The following RERE variants were observed in gnomAD, a reference collection of about 807,000 sequenced individuals.
The protein encoded by RERE is arginine-glutamic acid dipeptide repeats protein.
Under a neutral mutation model 146.1 loss-of-function variants are expected in RERE, and 40 were observed. The ratio of observed to expected loss-of-function variants is 0.27; its 90% CI spans 0.21 to 0.36. RERE has a LOEUF of 0.36. Among genes scored for constraint, RERE ranks in the 10% least tolerant of loss-of-function variants. The pLI is 1.00. For missense variants in RERE, 1,933 were observed against 2,138.7 expected (o/e 0.90, Z 1.90); for synonymous variants, 1,003 against 866.0 (o/e 1.16, Z -2.78).
At chr1:8,497,683 C>G (rs950482975) in intron 8 of RERE, among the ~76,000 whole-genome samples, 154 bp from the exon 9 acceptor site, 4 of 152,350 alleles carry the variant, frequency 2.6e-5, no homozygotes, top group African/African-American at 9.6e-5. Context: ...GTCATTTAAA[C>G]TGACCTATTT....
intron 10 of RERE, among the ~76,000 whole-genome samples, chr1:8,492,011 C>T (rs1182381689): frequency 6.6e-6 from 1 of 152,138 alleles, no homozygotes; most frequent in East Asian, 1.9e-4. Flanking sequence ...TATTTTCATT[C>T]ATTTTTCATT....
intron 1 of RERE, among the ~76,000 whole-genome samples, chr1:8,736,688 C>T (rs1640205053): frequency 6.6e-6 from 1 of 151,978 alleles, no homozygotes; most frequent in Non-Finnish European, 1.5e-5. Context: ...AGAAGAGTCA[C>T]ATTTCAACTT....
chr1:8,506,400 GTTCAC>G (rs1241666733), intron 8 of RERE, among the ~76,000 whole-genome samples: 2 of 152,232 alleles, frequency 1.3e-5, no homozygotes, highest in East Asian at 3.8e-4. Context: ...TAGTTTTTGT[GTTCAC>G]TTCACTTCAT....
intron 7 of RERE, among the ~76,000 whole-genome samples, chr1:8,539,668 G>A (rs897751666): frequency 6.6e-6 from 1 of 152,122 alleles, no homozygotes; most frequent in African/African-American, 2.4e-5. Context: ...CCTCCAAAGT[G>A]CTGGGATTAC....
chr1:8,518,458 G>A (rs754575760), intron 7 of RERE, among the ~76,000 whole-genome samples: 1 of 152,104 alleles, frequency 6.6e-6, no homozygotes, highest in Non-Finnish European at 1.5e-5. Flanking sequence ...TTTTCCACAG[G>A]GTATTAAGTT....
At chr1:8,763,006 G>A (rs559149821) in intron 1 of RERE, among the ~76,000 whole-genome samples, 1 of 152,174 alleles carries the variant, frequency 6.6e-6, no homozygotes, top group South Asian at 2.1e-4. Flanking sequence ...AAGACTAAAA[G>A]AAGTTAGGGT....
intron 1 of RERE, among the ~76,000 whole-genome samples, chr1:8,716,013 C>T (rs1639757322): frequency 1.3e-5 from 2 of 152,074 alleles, no homozygotes; most frequent in South Asian, 4.1e-4. Context: ...GGCACAGTGG[C>T]TCACACCTGT....
intron 1 of RERE, among the ~76,000 whole-genome samples, chr1:8,661,146 T>C (rs895508776): frequency 1.3e-5 from 2 of 152,154 alleles, no homozygotes; most frequent in South Asian, 2.1e-4. Context: ...TGAGGGGGCT[T>C]TGACCCTGAG....
chr1:8,627,036 A>G (rs1475948467), intron 2 of RERE, among the ~76,000 whole-genome samples: 1 of 151,798 alleles, frequency 6.6e-6, no homozygotes, highest in African/African-American at 2.4e-5. Flanking sequence ...AGAAACCCCA[A>G]CTCTGCTCCC....
chr1:8,496,825 A>C (rs753242815), intron 9 of RERE, among the ~76,000 whole-genome samples: 2 of 152,258 alleles, frequency 1.3e-5, no homozygotes, highest in Non-Finnish European at 2.9e-5. Context: ...GACAGGCACT[A>C]ATGAACAGCC....
chr1:8,700,254 G>A (rs774800109), intron 1 of RERE, among the ~76,000 whole-genome samples: 8 of 152,004 alleles, frequency 5.3e-5, no homozygotes, highest in Non-Finnish European at 1.0e-4. Context: ...GCAGTGAGCC[G>A]AGACCATGCC....
intron 4 of RERE, among the ~76,000 whole-genome samples, chr1:8,595,870 G>T (rs1646550016): frequency 6.6e-6 from 1 of 152,154 alleles, no homozygotes; most frequent in South Asian, 2.1e-4. Flanking sequence ...CTCTGCAAAT[G>T]ACCCTCAAAC....
chr1:8,662,988 T>TA, intron 1 of RERE, among the ~76,000 whole-genome samples: 2 of 152,278 alleles, frequency 1.3e-5, no homozygotes, highest in Middle Eastern at 3.4e-3. Context: ...AAAATATCAA[T>TA]AATATGTATT....
At chr1:8,727,369 C>T (rs907321540) in intron 1 of RERE, among the ~76,000 whole-genome samples, 3 of 150,120 alleles carry the variant, frequency 2.0e-5, no homozygotes, top group Non-Finnish European at 4.4e-5. Context: ...CTTGAACTGC[C>T]GACCTCAGGT....
chr1:8,422,613 C>A (rs1034145173), intron 12 of RERE, 114 bp downstream of exon 12: 1 of 737,152 alleles, frequency 1.4e-6, no homozygotes, highest in Non-Finnish European at 2.4e-6. Context: ...GGAGGCCAGC[C>A]CGAGTCTGAG....
intron 7 of RERE, among the ~76,000 whole-genome samples, chr1:8,515,598 C>T (rs1645403440): frequency 6.6e-6 from 1 of 151,932 alleles, no homozygotes; most frequent in South Asian, 2.1e-4. Flanking sequence ...GCTACTACAC[C>T]CCAGCCTGAG....
chr1:8,646,653 G>A (rs1363217485), intron 2 of RERE, among the ~76,000 whole-genome samples: 1 of 152,120 alleles, frequency 6.6e-6, no homozygotes, highest in Non-Finnish European at 1.5e-5. Flanking sequence ...ATTAAGTAAG[G>A]TGAGCCCTAA....
chr1:8,357,423 G>A (rs1239687744), intron 20 of RERE, among the ~76,000 whole-genome samples: 2 of 152,178 alleles, frequency 1.3e-5, no homozygotes, highest in Admixed American at 6.5e-5. Flanking sequence ...GTGGCTCCCC[G>A]CCCTCCCTCT....
rs909748413 is a variant in RERE, at chr1:8,393,901, T to C, written c.1285-27927A>G. The stretch of plus-strand genomic sequence containing the variant: ...ACTTCCTTCATTTTTTGTTTATAAT[T>C]TGAAGGGCAATTAGAAGCTTCAGAT... On this transcript the variant is annotated intron_variant, in intron 12 of 22. Coordinates refer to ENST00000400908, the MANE Select transcript of RERE (RefSeq NM_001042681.2). Among the ~76,000 whole-genome samples the C allele has an allele frequency of 3.0e-4, 46 of 152,202 alleles. 1 individual carries two copies. The highest frequency in any genetic ancestry group is 2.0e-4 in the Admixed American group (3 of 15,278).
Sources: gnomAD v4.1 joint callset for allele counts (sites outside exome capture counted in the v4.1 genomes callset) on GRCh38, gnomAD v4.1.1 for gene constraint, MANE v1.5 for transcripts, NCBI Gene and HGNC (gene_info 2026-07-23, HGNC 2026-07-21) for gene names.